DMD: variants seen among roughly 807,000 people sequenced by gnomAD.
DMD encodes the protein mutant dystrophin.
A neutral mutation model predicts 330.1 loss-of-function variants in DMD; 63 were observed. The observed-to-expected ratio is 0.19, with a 90% CI of 0.16 to 0.24. The LOEUF (loss-of-function observed/expected upper bound fraction) is 0.24. DMD is among the 10% of genes least tolerant of loss of function. The probability of loss-of-function intolerance (pLI) is 1.00; values close to 1 mark genes in which losing one functional copy is unlikely to be tolerated. For synonymous variants in DMD, 1,223 were observed against 959.8 expected (o/e 1.27, Z -5.07); for missense variants, 3,344 against 2,684.1 (o/e 1.25, Z -5.43).
chrX:32,647,094 CG>C (rs1241925666), intron 9 of DMD, among the ~76,000 whole-genome samples: 1 of 111,317 alleles, frequency 9.0e-6, no homozygotes, highest in East Asian at 2.8e-4. Context: ...ACCAGCTTCA[CG>C]TTTGTGCAAC....
At chrX:32,722,203 GATTAC>G (rs1256762862) in intron 7 of DMD, among the ~76,000 whole-genome samples, 2 of 109,888 alleles carry the variant, frequency 1.8e-5, no homozygotes, top group East Asian at 5.7e-4. Context: ...TTTTCACAGG[GATTAC>G]ATTAAATTTG....
intron 36 of DMD, 80 bp downstream of exon 36, chrX:32,364,502 C>G (rs2097847495): frequency 2.8e-6 from 3 of 1,088,438 alleles, no homozygotes; most frequent in East Asian, 3.0e-5. Flanking sequence ...ATTAAGACGT[C>G]CTTAGTATCT....
chrX:31,294,314 T>C (rs1360095565), intron 62 of DMD, among the ~76,000 whole-genome samples: 6 of 111,783 alleles, frequency 5.4e-5, no homozygotes, highest in East Asian at 2.8e-4. Flanking sequence ...CCATGGGATA[T>C]TGTAAGAATC....
chrX:32,474,605 G>T (rs1048396040), intron 21 of DMD, among the ~76,000 whole-genome samples: 1 of 111,783 alleles, frequency 8.9e-6, no homozygotes, highest in Non-Finnish European at 1.9e-5. Context: ...GCATTTCCCT[G>T]ATCATTCATA....
chrX:33,046,464 C>G (rs1466810832), intron 1 of DMD, among the ~76,000 whole-genome samples: 1 of 111,576 alleles, frequency 9.0e-6, no homozygotes, highest in African/African-American at 3.3e-5. Flanking sequence ...CTAATGTCTG[C>G]ACAAAATACT....
chrX:33,199,577 T>C (rs1334190295), intron 1 of DMD, among the ~76,000 whole-genome samples: 2 of 111,524 alleles, frequency 1.8e-5, no homozygotes, highest in South Asian at 3.8e-4. Flanking sequence ...CTGGAATTCA[T>C]TGGAGAAATC....
intron 50 of DMD, among the ~76,000 whole-genome samples, chrX:31,803,854 C>T (rs1408773245): frequency 1.8e-5 from 2 of 110,387 alleles, no homozygotes; most frequent in African/African-American, 6.6e-5. Context: ...CATGCGCCAC[C>T]ATGCCTGGCT....
intron 1 of DMD, among the ~76,000 whole-genome samples, chrX:33,116,141 C>G (rs992608135): frequency 9.2e-6 from 1 of 109,257 alleles, no homozygotes; most frequent in African/African-American, 3.3e-5. Flanking sequence ...TGCAGTGAGC[C>G]GAGATGGTGC....
chrX:32,916,396 A>G (rs1330257469), intron 2 of DMD, among the ~76,000 whole-genome samples: 1 of 111,904 alleles, frequency 8.9e-6, no homozygotes, highest in Non-Finnish European at 1.9e-5. Context: ...AAATTTCAAA[A>G]TTTACTACTT....
chrX:31,954,998 T>C, intron 45 of DMD, among the ~76,000 whole-genome samples: 1 of 82,988 alleles, frequency 1.2e-5, no homozygotes. Flanking sequence ...AAATCCTGCC[T>C]CTACCAAAAA....
chrX:31,583,921 A>G (rs1431616601), intron 55 of DMD, among the ~76,000 whole-genome samples: 1 of 50,328 alleles, frequency 2.0e-5, no homozygotes, highest in South Asian at 1.9e-3. Context: ...CCCCGACCCC[A>G]CAACAGGCCC....
chrX:31,204,012 T>C lies in DMD; in HGVS notation c.9756A>G (p.Ala3252=), dbSNP rs2148540830. 8.3e-7 allele frequency: 1 copy of C among 1,210,892 alleles called. No homozygotes were observed. Among genetic ancestry groups the C allele is most frequent in the Non-Finnish European group, 1.1e-6 (1 of 894,387 alleles). The change falls in exon 67 of 79, where the codon GCA becomes GCG. Residue 3252 remains alanine (A), a synonymous_variant. Transcript: ENST00000357033. ...GCTCAATGTTACTGCCCCCAAAGGATGCAACTTCACCCAACTGTCTTGGAA... is the reference window on the plus strand; with the variant it reads ...GCTCAATGTTACTGCCCCCAAAGGACGCAACTTCACCCAACTGTCTTGGAA... ...IQIPRQLGEV[A]SFGGSNIEPS... is the part of the protein sequence containing the mutation.
chrX:32,372,409 T>C (rs1375541318), intron 34 of DMD, among the ~76,000 whole-genome samples: 1 of 111,753 alleles, frequency 8.9e-6, no homozygotes, highest in Non-Finnish European at 1.9e-5. Context: ...CTCAAGGAAC[T>C]TGTGCAGTTC....
chrX:33,027,301 G>A (rs893578264), intron 1 of DMD, among the ~76,000 whole-genome samples: 15 of 111,512 alleles, frequency 1.3e-4, no homozygotes, highest in African/African-American at 3.9e-4. Flanking sequence ...GAAGATGTAC[G>A]AAGAAGGCCG....
intron 16 of DMD, among the ~76,000 whole-genome samples, chrX:32,547,456 T>C (rs2049087913): frequency 1.8e-5 from 2 of 111,117 alleles, no homozygotes; most frequent in Middle Eastern, 4.6e-3. Context: ...AATTGTTCTA[T>C]ATAATAATCA....
intron 52 of DMD, among the ~76,000 whole-genome samples, chrX:31,714,497 T>A (rs1204322448): frequency 9.0e-6 from 1 of 111,686 alleles, no homozygotes; most frequent in Admixed American, 9.5e-5. Flanking sequence ...TTATTTGTAT[T>A]CCTTAAGGAT....
chrX:33,158,076 T>G (rs781265185), intron 1 of DMD, among the ~76,000 whole-genome samples: 5 of 112,235 alleles, frequency 4.5e-5, no homozygotes, highest in Non-Finnish European at 9.4e-5. Context: ...CATAGCTCAT[T>G]TAGATCAGGC....
chrX:32,386,532 A>G, intron 32 of DMD, 67 bp from the exon 33 acceptor site: 1 of 940,181 alleles, frequency 1.1e-6, no homozygotes, highest in South Asian at 2.1e-5. Context: ...TATTATGAAC[A>G]GAAATAAATA....
intron 55 of DMD, among the ~76,000 whole-genome samples, chrX:31,520,304 G>T (rs1351985179): frequency 1.8e-5 from 2 of 110,549 alleles, no homozygotes; most frequent in Non-Finnish European, 3.8e-5. Context: ...GTTTTCCCAT[G>T]TGATAGTGAG....
Sources: allele counts gnomAD v4.1 joint callset (sites outside exome capture counted in the v4.1 genomes callset), GRCh38; gene constraint gnomAD v4.1.1; transcripts MANE v1.5; gene names NCBI Gene and HGNC (gene_info 2026-07-23, HGNC 2026-07-21).